ANKS1B: variants seen among roughly 807,000 people sequenced by gnomAD.
The protein encoded by ANKS1B is ankyrin repeat and sterile alpha motif domain containing 1B.
Under a neutral mutation model 148.3 loss-of-function variants are expected in ANKS1B, and 36 were observed. The ratio of observed to expected loss-of-function variants is 0.24; its 90% CI spans 0.19 to 0.32. ANKS1B has a LOEUF of 0.32. ANKS1B is among the 10% of genes least tolerant of loss of function. The probability of loss-of-function intolerance (pLI) is 1.00; values close to 1 mark genes in which losing one functional copy is unlikely to be tolerated. For missense variants in ANKS1B, 1,157 were observed against 1,542.6 expected (o/e 0.75, Z 4.19); for synonymous variants, 542 against 560.8 (o/e 0.97, Z 0.47).
At chr12:99,228,266 G>A (rs1371662426) in intron 14 of ANKS1B, among the ~76,000 whole-genome samples, 7 of 152,038 alleles carry the variant, frequency 4.6e-5, no homozygotes, top group African/African-American at 2.4e-5. Flanking sequence ...TGAAGTTCAC[G>A]AATGCAATTT....
chr12:98,782,480 T>C (rs143358944), intron 22 of ANKS1B, among the ~76,000 whole-genome samples: 1 of 152,234 alleles, frequency 6.6e-6, no homozygotes, highest in African/African-American at 2.4e-5. Flanking sequence ...ATAGAAACTT[T>C]CTTGATTTAT....
At chr12:99,339,921 A>ATC (rs1466921426) in intron 12 of ANKS1B, among the ~76,000 whole-genome samples, 1 of 152,046 alleles carries the variant, frequency 6.6e-6, no homozygotes, top group East Asian at 1.9e-4. Flanking sequence ...TTAGGTTTCT[A>ATC]TTCCATTTGA....
intron 8 of ANKS1B, among the ~76,000 whole-genome samples, chr12:99,674,834 C>T (rs11109988): frequency 0.12 from 18,284 of 151,492 alleles, 1,736 homozygotes; most frequent in East Asian, 0.47. Flanking sequence ...TTCTAAAACA[C>T]GTGAAAACTT....
At chr12:99,081,193 C>T (rs1030751501) in intron 16 of ANKS1B, among the ~76,000 whole-genome samples, 5 of 152,078 alleles carry the variant, frequency 3.3e-5, no homozygotes, top group Admixed American at 1.3e-4. Flanking sequence ...AAGCTTGACA[C>T]AACATATACA....
At chr12:99,640,166 C>T (rs1412651636) in intron 9 of ANKS1B, among the ~76,000 whole-genome samples, 2 of 151,892 alleles carry the variant, frequency 1.3e-5, no homozygotes. Context: ...AGCAAAACTC[C>T]ATCTCAAAAT....
At chr12:99,668,719 A>T (rs987708608) in intron 8 of ANKS1B, among the ~76,000 whole-genome samples, 10 of 149,542 alleles carry the variant, frequency 6.7e-5, no homozygotes, top group Non-Finnish European at 1.3e-4. Context: ...TGTTTTTGTT[A>T]TTTTTTTTTG....
At chr12:98,951,603 G>A (rs1179246837) in intron 17 of ANKS1B, among the ~76,000 whole-genome samples, 1 of 152,038 alleles carries the variant, frequency 6.6e-6, no homozygotes, top group Non-Finnish European at 1.5e-5. Context: ...ACCTCCTGCT[G>A]CTCTCCTAAT....
chr12:99,366,561 G>A (rs1209766108), intron 12 of ANKS1B, among the ~76,000 whole-genome samples: 1 of 152,096 alleles, frequency 6.6e-6, no homozygotes, highest in Non-Finnish European at 1.5e-5. Context: ...TATAGAAATT[G>A]GGTATATGAC....
intron 17 of ANKS1B, among the ~76,000 whole-genome samples, chr12:98,926,393 T>TCAA (rs1260674682): frequency 1.3e-5 from 2 of 152,122 alleles, no homozygotes; most frequent in Admixed American, 6.6e-5. Flanking sequence ...ATAAAGGGCA[T>TCAA]CAACAACAGA....
At chr12:99,447,598 A>T (rs1056961508) in intron 10 of ANKS1B, among the ~76,000 whole-genome samples, 3 of 152,150 alleles carry the variant, frequency 2.0e-5, no homozygotes, top group Non-Finnish European at 2.9e-5. Context: ...GCAAAAATAG[A>T]CAAATGGGAT....
At chr12:98,879,854 A>G (rs3759214) in intron 17 of ANKS1B, among the ~76,000 whole-genome samples, 2,529 of 152,306 alleles carry the variant, frequency 0.017, 75 homozygotes, top group East Asian at 0.11. Context: ...ATATGATTAG[A>G]ATAATTTTTT....
At chr12:98,856,080 C>T (rs531133639) in intron 17 of ANKS1B, among the ~76,000 whole-genome samples, 4 of 152,242 alleles carry the variant, frequency 2.6e-5, no homozygotes, top group South Asian at 2.1e-4. Flanking sequence ...ATTGTTTAGA[C>T]GGAAGGTTGC....
At chr12:99,347,316 A>G (rs1433286312) in intron 12 of ANKS1B, among the ~76,000 whole-genome samples, 3 of 152,002 alleles carry the variant, frequency 2.0e-5, no homozygotes, top group Non-Finnish European at 4.4e-5. Context: ...TTGGGGGAGT[A>G]AGGGCTTTGA....
intron 10 of ANKS1B, among the ~76,000 whole-genome samples, chr12:99,480,589 G>T (rs2096395482): frequency 2.0e-5 from 3 of 151,850 alleles, no homozygotes; most frequent in Non-Finnish European, 4.4e-5. Flanking sequence ...TCTGAAGGTT[G>T]AGAGAAAGCA....
At chr12:99,437,688 G>A (rs1452351569) in intron 11 of ANKS1B, among the ~76,000 whole-genome samples, 1 of 151,848 alleles carries the variant, frequency 6.6e-6, no homozygotes, top group Non-Finnish European at 1.5e-5. Context: ...GAATTAATTA[G>A]ATGTATACAC....
At chr12:99,945,813 G>A (rs564714057) in intron 1 of ANKS1B, among the ~76,000 whole-genome samples, 1 of 152,324 alleles carries the variant, frequency 6.6e-6, no homozygotes, top group African/African-American at 2.4e-5. Flanking sequence ...CCTGGGAGGA[G>A]AGAGAGTAGA....
At chr12:99,130,353 T>C (rs1197093870) in intron 15 of ANKS1B, among the ~76,000 whole-genome samples, 1 of 152,232 alleles carries the variant, frequency 6.6e-6, no homozygotes, top group Non-Finnish European at 1.5e-5. Context: ...AGAAATAGCA[T>C]GTGAATCCAG....
At chr12:99,001,507 T>C (rs1320876730) in intron 17 of ANKS1B, among the ~76,000 whole-genome samples, 1 of 152,226 alleles carries the variant, frequency 6.6e-6, no homozygotes, top group African/African-American at 2.4e-5. Context: ...TCAATATTTT[T>C]AATTTTTCCC....
At chr12:99,337,112 C>T (rs1464002217) in intron 12 of ANKS1B, among the ~76,000 whole-genome samples, 1 of 152,140 alleles carries the variant, frequency 6.6e-6, no homozygotes, top group Non-Finnish European at 1.5e-5. Context: ...AATCTCTCTT[C>T]ATCCTCTTGA....
Sources: allele counts gnomAD v4.1 joint callset (sites outside exome capture counted in the v4.1 genomes callset), GRCh38; gene constraint gnomAD v4.1.1; transcripts MANE v1.5; gene names NCBI Gene and HGNC (gene_info 2026-07-23, HGNC 2026-07-21).